Variants in CCDC175 observed in about 807,000 individuals in gnomAD.
The protein encoded by CCDC175 is coiled-coil domain containing 175.
A neutral mutation model predicts 114.6 loss-of-function variants in CCDC175; 100 were observed. The observed-to-expected ratio is 0.87, with a 90% confidence interval of 0.74 to 1.03. The LOEUF (loss-of-function observed/expected upper bound fraction) is 1.03. Ranked by LOEUF, CCDC175 falls within the 50% of genes least tolerant of loss-of-function variation. CCDC175 has a pLI of 0.00. For missense variants in CCDC175, 880 were observed against 917.8 expected (o/e 0.96, Z 0.53); for synonymous variants, 306 against 308.7 (o/e 0.99, Z 0.09).
chr14:59,525,455 A>G (rs1566602460), intron 15 of CCDC175, 21 bp from the exon 16 acceptor site: 3 of 1,508,010 alleles, frequency 2.0e-6, no homozygotes, highest in Non-Finnish European at 1.8e-6. Context: ...AGAAAACCCC[A>G]AATTATCTCT....
chr14:59,545,327 G>C, intron 8 of CCDC175, 28 bp from the exon 9 acceptor site: 2 of 1,534,566 alleles, frequency 1.3e-6, no homozygotes, highest in Non-Finnish European at 1.7e-6. Context: ...AGGTGAATGA[G>C]AGGACTGGCT....
intron 17 of CCDC175, among the ~76,000 whole-genome samples, chr14:59,521,054 G>C (rs1893401822): frequency 6.6e-6 from 1 of 152,166 alleles, no homozygotes; most frequent in African/African-American, 2.4e-5. Flanking sequence ...TTGTCAACTT[G>C]ACTGGATTGA....
chr14:59,572,287 T>C (rs968299399), intron 3 of CCDC175, among the ~76,000 whole-genome samples: 5 of 152,194 alleles, frequency 3.3e-5, no homozygotes, highest in Middle Eastern at 3.2e-3. Flanking sequence ...TACAACAGTA[T>C]GAATGAACCT....
chr14:59,518,896 T>C (rs1370880454), intron 17 of CCDC175, among the ~76,000 whole-genome samples: 1 of 151,928 alleles, frequency 6.6e-6, no homozygotes, highest in East Asian at 1.9e-4. Flanking sequence ...CTATTCACAA[T>C]AGCAAAGACT....
chr14:59,550,990 T>C (rs1224696731), intron 8 of CCDC175, among the ~76,000 whole-genome samples: 1 of 152,198 alleles, frequency 6.6e-6, no homozygotes, highest in Non-Finnish European at 1.5e-5. Context: ...TAGAATATTC[T>C]TAAGTGTAGA....
intron 13 of CCDC175, among the ~76,000 whole-genome samples, chr14:59,533,272 C>T (rs531398877): frequency 6.6e-6 from 1 of 152,310 alleles, no homozygotes; most frequent in African/African-American, 2.4e-5. Context: ...GCCACAGTTT[C>T]CCATGGGTTA....
At chr14:59,553,542 A>G (rs992719404) in intron 7 of CCDC175, among the ~76,000 whole-genome samples, 10 of 152,242 alleles carry the variant, frequency 6.6e-5, no homozygotes, top group African/African-American at 2.2e-4. Context: ...GAGGCTAGGA[A>G]GAAACTGCAT....
At chr14:59,509,638 G>A (rs952476045) in intron 19 of CCDC175, among the ~76,000 whole-genome samples, 20 of 152,138 alleles carry the variant, frequency 1.3e-4, no homozygotes, top group South Asian at 6.2e-4. Context: ...TCAACCTTCC[G>A]AGTAGCTGAG....
At chr14:59,564,258 T>A in intron 5 of CCDC175, 1 of 153,070 alleles carries the variant, frequency 6.5e-6, no homozygotes. Context: ...TATCTGGGAA[T>A]CTAAATTCAC....
At chr14:59,575,978 T>C (rs912992730) in intron 1 of CCDC175, among the ~76,000 whole-genome samples, 38 of 152,172 alleles carry the variant, frequency 2.5e-4, no homozygotes, top group Admixed American at 2.2e-3. Flanking sequence ...AGCACTGAAA[T>C]GTTTTGTTGT....
At chr14:59,517,026 A>C (rs1893134523) in intron 17 of CCDC175, among the ~76,000 whole-genome samples, 1 of 152,250 alleles carries the variant, frequency 6.6e-6, no homozygotes, top group African/African-American at 2.4e-5. Flanking sequence ...GACACAAATC[A>C]ATAAATGTAA....
chr14:59,540,726 T>C lies in CCDC175; in HGVS notation c.1304A>G (p.Gln435Arg). The C allele has an allele frequency of 6.5e-7, 1 of 1,533,004 alleles. No individual in the cohort carries two copies. 95.0% of individuals were successfully genotyped at this position (1,533,004 alleles called of 1,614,324 possible). A position where few individuals can be genotyped will look rare whatever the true frequency, so the allele number is the denominator to read the frequency against. Residue 435 changes from glutamine (Q) to arginine (R), a missense_variant, in exon 11 of 20, where the codon CAG (glutamine) becomes CGG (arginine). Gln to Arg is a conservative substitution (Grantham distance 43). Coordinates refer to ENST00000537690, the MANE Select transcript of CCDC175 (RefSeq NM_001164399.2). ...ELQQATKTVY[Q>R]QQIKILSANL... ...AGCACTCAGGATTTTGATTTGTTGC[T>C]GATACACTGTTTTTGTTGCTCTAAA...
intron 10 of CCDC175, among the ~76,000 whole-genome samples, chr14:59,542,805 T>A (rs1241582035): frequency 6.6e-6 from 1 of 152,156 alleles, no homozygotes. Context: ...CTCCTAGGTA[T>A]AATTTTAAGT....
rs774338283 is a variant in CCDC175, at chr14:59,538,046, T to C, written c.1600A>G (p.Met534Val). The change falls in exon 13 of 20, where the codon ATG becomes GTG. Residue 534 changes from methionine to valine, a missense_variant. Met to Val is a conservative substitution (Grantham distance 21, BLOSUM62 1). Transcript: ENST00000537690. ...ACCTCATACTTGCTTAACTCTTTCA[T>C]TAACATTTTTTCTTTGTTAACAAAT... The part of the protein sequence containing the change: ...KAFVNKEKML[M>V]KELSKYEEIF... The C allele has an allele frequency of 3.9e-6, 6 of 1,530,472 alleles. No individual in the cohort carries two copies. In the South Asian group the frequency reaches 7.2e-5, roughly 18 times the overall value. 94.8% of individuals were successfully genotyped at this position (1,530,472 alleles called of 1,614,324 possible).
intron 17 of CCDC175, among the ~76,000 whole-genome samples, chr14:59,520,659 A>G (rs996361458): frequency 6.6e-6 from 1 of 152,212 alleles, no homozygotes; most frequent in Non-Finnish European, 1.5e-5. Flanking sequence ...ATGGGATTCT[A>G]CTGTACAGCT....
At chr14:59,506,290 TC>T (rs1404788747) in intron 19 of CCDC175, among the ~76,000 whole-genome samples, 20 of 140,872 alleles carry the variant, frequency 1.4e-4, no homozygotes, top group South Asian at 2.3e-4. Context: ...TTTTTTTTTT[TC>T]TTTTTTTTTT....
At chr14:59,523,167 C>T (rs1191479661) in intron 16 of CCDC175, among the ~76,000 whole-genome samples, 3 of 152,294 alleles carry the variant, frequency 2.0e-5, no homozygotes, top group African/African-American at 7.2e-5. Context: ...TAATCTATAT[C>T]TTGATAGGAA....
intron 2 of CCDC175, among the ~76,000 whole-genome samples, chr14:59,574,667 G>A (rs1051080391): frequency 5.9e-5 from 9 of 152,102 alleles, no homozygotes; most frequent in Non-Finnish European, 1.3e-4. Flanking sequence ...TAACTGAACC[G>A]TATTATCACC....
Position 59,576,722 on chromosome 14 carries a change from C to T in CCDC175, c.54G>A (p.Gln18=), listed in dbSNP as rs187518299. The change falls in exon 1 of 20, where the codon CAG becomes CAA. Residue 18 remains glutamine (Q), a synonymous_variant. Transcript: ENST00000537690. ...PGLGAGEKLV[Q]AAAVSTGPSL... ...AGGGGCCAGTGGAGACGGCAGCCGCCTGCACCAGCTTCTCGCCAGCGCCCA... is the reference window on the plus strand; with the variant it reads ...AGGGGCCAGTGGAGACGGCAGCCGCTTGCACCAGCTTCTCGCCAGCGCCCA... 2.7e-6 allele frequency: 4 copies of T among 1,476,850 alleles called. No individual in the cohort carries two copies. The East Asian group carries it at 1.2e-4, about 43-fold the overall frequency. 91.5% of individuals were successfully genotyped at this position (1,476,850 alleles called of 1,614,324 possible). A position where few individuals can be genotyped will look rare whatever the true frequency, so the allele number is the denominator to read the frequency against.
Sources: gnomAD v4.1 joint callset for allele counts (sites outside exome capture counted in the v4.1 genomes callset) on GRCh38, gnomAD v4.1.1 for gene constraint, MANE v1.5 for transcripts, NCBI Gene and HGNC (gene_info 2026-07-23, HGNC 2026-07-21) for gene names.